Variants in HYAL4 observed in about 807,000 individuals in gnomAD.
HYAL4 encodes the protein hyaluronidase-4.
A neutral mutation model predicts 35.2 loss-of-function variants in HYAL4; 37 were observed. The observed-to-expected ratio is 1.05, with a 90% CI of 0.81 to 1.38. The LOEUF (loss-of-function observed/expected upper bound fraction) is 1.38. Ranked by LOEUF, HYAL4 falls within the 40% of genes most tolerant of loss-of-function variation. The pLI is 0.00. For synonymous variants in HYAL4, 198 were observed against 203.2 expected (o/e 0.97, Z 0.22); for missense variants, 572 against 572.4 (o/e 1.00, Z 0.01).
chr7:123,819,951 C>T, the HYAL4 span, among the ~76,000 whole-genome samples: 3 of 144,870 alleles, frequency 2.1e-5, no homozygotes, highest in South Asian at 2.2e-4. Flanking sequence ...AGTGCAGTGG[C>T]GCAATCTTGG....
At chr7:123,779,892 G>T in the HYAL4 span, among the ~76,000 whole-genome samples, 1 of 151,944 alleles carries the variant, frequency 6.6e-6, no homozygotes, top group African/African-American at 2.4e-5. Context: ...ACATCTTAGG[G>T]AAGTTTGCAA....
the HYAL4 span, among the ~76,000 whole-genome samples, chr7:123,788,294 A>G: frequency 6.6e-6 from 1 of 152,232 alleles, no homozygotes; most frequent in African/African-American, 2.4e-5. Context: ...AAAATGCTCA[A>G]TGAACTGAAT....
At chr7:123,827,495 A>G (rs1048325055), upstream of HYAL4, among the ~76,000 whole-genome samples, 4 of 150,604 alleles carry the variant, frequency 2.7e-5, no homozygotes, top group Non-Finnish European at 4.4e-5. Flanking sequence ...CTTTGCTTCA[A>G]TTGTTTGCCT....
At chr7:123,840,773 A>G (rs541030601), upstream of HYAL4, among the ~76,000 whole-genome samples, 5 of 152,002 alleles carry the variant, frequency 3.3e-5, no homozygotes, top group East Asian at 1.9e-4. Context: ...TTCACTCATG[A>G]TTTGGCTCTC....
intron 3 of HYAL4, among the ~76,000 whole-genome samples, chr7:123,870,739 G>A (rs1387197887): frequency 4.1e-4 from 60 of 147,430 alleles, no homozygotes; most frequent in Admixed American, 5.4e-4. Flanking sequence ...CAGCCTGGGC[G>A]ACAGAGCGAA....
the HYAL4 span, among the ~76,000 whole-genome samples, chr7:123,788,712 A>G: frequency 3.3e-5 from 5 of 152,328 alleles, no homozygotes; most frequent in East Asian, 7.7e-4. Flanking sequence ...TTTGTTACAT[A>G]TTTAGCAGTT....
the HYAL4 span, among the ~76,000 whole-genome samples, chr7:123,811,061 T>C: frequency 6.6e-6 from 1 of 152,216 alleles, no homozygotes; most frequent in Non-Finnish European, 1.5e-5. Context: ...ATTATCTGGA[T>C]GTACCACAGT....
chr7:123,796,199 G>C, the HYAL4 span, among the ~76,000 whole-genome samples: 1,482 of 152,282 alleles, frequency 9.7e-3, 9 homozygotes, highest in Non-Finnish European at 0.016. Flanking sequence ...TTCAAACACA[G>C]AACAGCATGG....
At chr7:123,829,149 G>A (rs919038665) in intron 1 of HYAL4, 4 of 152,666 alleles carry the variant, frequency 2.6e-5, no homozygotes, top group African/African-American at 9.6e-5. Flanking sequence ...CTAAACAAGA[G>A]TTTCAGATTC....
In HYAL4 at chr7:123,868,389, G is replaced by C; in HGVS notation, c.116G>C (p.Arg39Pro). Residue 39 changes from arginine (R) to proline (P), a missense_variant, in exon 3 of 5, where the codon CGA becomes CCA. Arg to Pro is a moderately radical substitution (Grantham distance 103, BLOSUM62 -2). Coordinates refer to ENST00000223026, the MANE Select transcript of HYAL4 (RefSeq NM_012269.3). The part of the protein sequence containing the change: ...LKSISCLKPA[R>P]LPIYQRKPFI... ...TCTATCTCTTGTCTAAAACCTGCTC[G>C]ACTTCCAATTTATCAAAGGAAACCT... The C allele has an allele frequency of 6.2e-7, 1 of 1,612,642 alleles. No homozygotes were observed. The highest frequency in any genetic ancestry group is 8.5e-7 in the Non-Finnish European group (1 of 1,179,330).
intron 2 of HYAL4, among the ~76,000 whole-genome samples, chr7:123,852,985 T>C (rs1184580155): frequency 6.6e-6 from 1 of 152,172 alleles, no homozygotes; most frequent in Non-Finnish European, 1.5e-5. Context: ...GGTATTTTAT[T>C]CTCTTTGTAG....
chr7:123,825,429 T>C (rs1805791375), upstream of HYAL4, among the ~76,000 whole-genome samples: 2 of 152,002 alleles, frequency 1.3e-5, no homozygotes, highest in South Asian at 2.1e-4. Context: ...ATAATTAAGG[T>C]TGATATAATC....
intron 2 of HYAL4, among the ~76,000 whole-genome samples, chr7:123,858,947 G>T (rs1015420035): frequency 2.6e-5 from 4 of 152,108 alleles, no homozygotes; most frequent in African/African-American, 9.7e-5. Flanking sequence ...GTAATTCAAA[G>T]AAAGCAATCA....
chr7:123,843,775 G>A (rs373912638), upstream of HYAL4, among the ~76,000 whole-genome samples: 59 of 151,390 alleles, frequency 3.9e-4, 1 homozygote, highest in Non-Finnish European at 6.5e-4. Context: ...CCTTTCTTCC[G>A]CTTGATCGAA....
rs779806561 is a variant in HYAL4, at chr7:123,868,605, G to T, written c.332G>T (p.Gly111Val). Residue 111 changes from glycine (G) to valine (V), a missense_variant, in exon 3 of 5, where the codon GGT becomes GTT. Transcript: ENST00000223026. Reference sequence around the variant, plus strand: ...TCACAAGGGGTCCCCATTAATGGAGGTCTCCCACAGAACATAAGTTTACAA... The same window carrying T: ...TCACAAGGGGTCCCCATTAATGGAGTTCTCCCACAGAACATAAGTTTACAA... ...YTSQGVPING[G>V]LPQNISLQVH... 1.5e-5 allele frequency: 25 copies of T among 1,614,022 alleles called. No homozygotes were observed. The highest frequency in any genetic ancestry group is 1.9e-5 in the Non-Finnish European group (23 of 1,180,014).
chr7:123,837,051 A>C (rs898719350), intron 1 of HYAL4, among the ~76,000 whole-genome samples: 1 of 152,072 alleles, frequency 6.6e-6, no homozygotes, highest in East Asian at 1.9e-4. Flanking sequence ...AAAAAAAGAA[A>C]GAAAAAAAAG....
the HYAL4 span, among the ~76,000 whole-genome samples, chr7:123,778,665 G>T: frequency 6.6e-6 from 1 of 152,098 alleles, no homozygotes; most frequent in Non-Finnish European, 1.5e-5. Context: ...GCCACATCAA[G>T]AGCACATGAT....
chr7:123,770,078 T>A, the HYAL4 span, among the ~76,000 whole-genome samples: 1 of 152,108 alleles, frequency 6.6e-6, no homozygotes, highest in East Asian at 1.9e-4. Flanking sequence ...TAAATATTCC[T>A]TTATAAAACG....
the HYAL4 span, among the ~76,000 whole-genome samples, chr7:123,785,093 T>G: frequency 6.6e-6 from 1 of 152,108 alleles, no homozygotes; most frequent in African/African-American, 2.4e-5. This position sits in a 1 kb window ranked among gnomAD's most constrained non-coding sequence, Gnocchi z 4.5. Flanking sequence ...TGAGACAGGG[T>G]CTCTCTCTGT....
Sources: gnomAD v4.1 joint callset for allele counts (sites outside exome capture counted in the v4.1 genomes callset) on GRCh38, gnomAD v4.1.1 for gene constraint, Gnocchi (gnomAD v3.1) non-coding constraint, MANE v1.5 for transcripts, NCBI Gene and HGNC (gene_info 2026-07-23, HGNC 2026-07-21) for gene names.